The following TTC23 variants were observed in gnomAD, a reference collection of about 807,000 sequenced individuals.
TTC23 encodes the protein tetratricopeptide repeat domain 23, also known as tetratricopeptide repeat protein 23.
Under a neutral mutation model 55.1 loss-of-function variants are expected in TTC23, and 58 were observed. The ratio of observed to expected loss-of-function variants is 1.05; its 90% CI spans 0.85 to 1.31. The LOEUF is 1.31. Ranked by LOEUF, TTC23 falls within the 50% of genes most tolerant of loss-of-function variation. The pLI is 0.00. For missense variants in TTC23, 516 were observed against 534.4 expected, an observed-to-expected ratio of 0.97 and a Z score of 0.34; for synonymous variants, 203 against 199.9, an observed-to-expected ratio of 1.02 and a Z score of -0.13.
chr15:99,208,930 A>G (rs1234393907), intron 8 of TTC23, among the ~76,000 whole-genome samples: 1 of 152,182 alleles, frequency 6.6e-6, no homozygotes, highest in Non-Finnish European at 1.5e-5. Context: ...TTGAGGATTT[A>G]TTATCTAGTG....
intron 8 of TTC23, among the ~76,000 whole-genome samples, chr15:99,209,162 G>A (rs572961749): frequency 4.6e-5 from 7 of 152,264 alleles, no homozygotes; most frequent in East Asian, 1.9e-4. Context: ...ATGGAGACTC[G>A]TTTTAACAAG....
At chr15:99,228,857 T>C (rs2152069382) in intron 4 of TTC23, 125 bp from the exon 5 acceptor site, 2 of 752,970 alleles carry the variant, frequency 2.7e-6, no homozygotes, top group East Asian at 2.8e-5. Context: ...CAAAAGATTA[T>C]GGTGGCTACT....
At chr15:99,210,664 G>T (rs2076972014) in intron 8 of TTC23, among the ~76,000 whole-genome samples, 1 of 152,150 alleles carries the variant, frequency 6.6e-6, no homozygotes, top group Non-Finnish European at 1.5e-5. Context: ...AGACATCAAG[G>T]AACCTCAGGT....
intron 12 of TTC23, among the ~76,000 whole-genome samples, chr15:99,149,847 G>A (rs1478815430): frequency 6.6e-6 from 1 of 152,190 alleles, no homozygotes; most frequent in East Asian, 1.9e-4. Context: ...CAGTCCCACT[G>A]GGAGCCAGCA....
At chr15:99,180,504 C>A (rs2074014428) in intron 9 of TTC23, among the ~76,000 whole-genome samples, 1 of 152,196 alleles carries the variant, frequency 6.6e-6, no homozygotes, top group South Asian at 2.1e-4. Context: ...CCAGAGCTGG[C>A]AGGCTTTTAT....
intron 9 of TTC23, among the ~76,000 whole-genome samples, chr15:99,176,470 G>C (rs964772968): frequency 6.6e-6 from 1 of 152,094 alleles, no homozygotes; most frequent in African/African-American, 2.4e-5. Context: ...AATTAGCCGG[G>C]CATGGTGGCA....
chr15:99,239,226 G>A (rs560350642), intron 3 of TTC23, among the ~76,000 whole-genome samples: 229 of 152,264 alleles, frequency 1.5e-3, no homozygotes, highest in Non-Finnish European at 2.3e-3. Context: ...GCTCACGCCC[G>A]TAATCCCAGC....
chr15:99,165,742 G>A (rs529884833), intron 10 of TTC23, among the ~76,000 whole-genome samples: 9 of 152,132 alleles, frequency 5.9e-5, no homozygotes, highest in Admixed American at 2.0e-4. Context: ...CTGCCCATGC[G>A]AGAAAACGTT....
At chr15:99,195,290 A>G (rs2075600859) in intron 9 of TTC23, among the ~76,000 whole-genome samples, 1 of 152,234 alleles carries the variant, frequency 6.6e-6, no homozygotes, top group Admixed American at 6.5e-5. Flanking sequence ...ACACCTCACC[A>G]AAGAAGATAC....
At chr15:99,181,880 T>C (rs1180489127) in intron 9 of TTC23, among the ~76,000 whole-genome samples, 2 of 152,172 alleles carry the variant, frequency 1.3e-5, no homozygotes, top group Non-Finnish European at 2.9e-5. Context: ...TTTCTTTTAA[T>C]AGTCAGAGAA....
chr15:99,211,217 A>T (rs774552899), intron 8 of TTC23, among the ~76,000 whole-genome samples: 2 of 151,466 alleles, frequency 1.3e-5, no homozygotes, highest in Non-Finnish European at 2.9e-5. Context: ...TCTACTAAAA[A>T]TACAAAAATT....
At chr15:99,198,829 C>T (rs1183655725) in intron 9 of TTC23, among the ~76,000 whole-genome samples, 1 of 152,228 alleles carries the variant, frequency 6.6e-6, no homozygotes, top group Non-Finnish European at 1.5e-5. Flanking sequence ...GAAGTACTCT[C>T]AGGACCTTGT....
At chr15:99,199,786 T>TA in intron 9 of TTC23, 133 bp downstream of exon 9, 1 of 834,608 alleles carries the variant, frequency 1.2e-6, no homozygotes, top group South Asian at 2.4e-5. Context: ...GTTGAGCATC[T>TA]ACTCTAGGCC....
intron 9 of TTC23, among the ~76,000 whole-genome samples, chr15:99,197,125 C>T (rs1466831760): frequency 5.4e-5 from 8 of 147,850 alleles, no homozygotes; most frequent in Non-Finnish European, 7.4e-5. Flanking sequence ...TTTTTTGAGA[C>T]GGAGTCACGC....
intron 4 of TTC23, among the ~76,000 whole-genome samples, chr15:99,233,171 G>C (rs866509603): frequency 2.6e-5 from 4 of 152,206 alleles, no homozygotes; most frequent in Non-Finnish European, 4.4e-5. Context: ...GTATAACATG[G>C]TGACTACTGT....
chr15:99,218,542 G>C (rs2077651750), intron 8 of TTC23, 46 bp downstream of exon 8: 1 of 1,612,118 alleles, frequency 6.2e-7, no homozygotes, highest in East Asian at 2.2e-5. Context: ...TACAGGCAAA[G>C]AGCCTCCCGC....
intron 10 of TTC23, among the ~76,000 whole-genome samples, chr15:99,170,231 A>G (rs1036349320): frequency 6.6e-6 from 1 of 152,150 alleles, no homozygotes. Context: ...TAAGGAATAC[A>G]GGGAAGGCAC....
In TTC23 at chr15:99,137,110, C is replaced by G. The variant is rs2067650253; in HGVS notation, c.*900G>C. 6.6e-6 allele frequency: 1 copy of G among 152,300 alleles called. No homozygotes were observed. Among genetic ancestry groups the G allele is most frequent in the South Asian group, 2.1e-4 (1 of 4,826 alleles). The allele number at this position is 152,300 out of a possible 1,614,324, so 9.4% of individuals were successfully genotyped here. A position where few individuals can be genotyped will look rare whatever the true frequency, so the allele number is the denominator to read the frequency against. On this transcript the variant is annotated 3_prime_UTR_variant, in exon 14 of 14. Coordinates refer to ENST00000394132, the MANE Select transcript of TTC23 (RefSeq NM_001288615.3). Reference sequence around the variant, plus strand: ...TCACTGCCCACACCTGCACCCCTACCCCTGGGTGTTCCATCCACCTCGATC... The same window carrying G: ...TCACTGCCCACACCTGCACCCCTACGCCTGGGTGTTCCATCCACCTCGATC...
chr15:99,188,200 G>A (rs1040059774), intron 9 of TTC23, among the ~76,000 whole-genome samples: 1 of 151,998 alleles, frequency 6.6e-6, no homozygotes, highest in Non-Finnish European at 1.5e-5. Flanking sequence ...AAACATGGAT[G>A]AATCTTGAAG....
Sources: gnomAD v4.1 joint callset for allele counts (sites outside exome capture counted in the v4.1 genomes callset) on GRCh38, gnomAD v4.1.1 for gene constraint, MANE v1.5 for transcripts, NCBI Gene and HGNC (gene_info 2026-07-23, HGNC 2026-07-21) for gene names.